The following ANO7 variants were observed in gnomAD, a reference collection of about 807,000 sequenced individuals.
ANO7 encodes anoctamin 7.
A neutral mutation model predicts 115.8 loss-of-function variants in ANO7; 114 were observed. The ratio of observed to expected loss-of-function variants is 0.98; its 90% CI spans 0.85 to 1.15. The LOEUF (loss-of-function observed/expected upper bound fraction) is 1.15, where lower values mean the gene tolerates loss of function less well. Among genes scored for constraint, ANO7 ranks in the 50% most tolerant of loss-of-function variants. The probability of loss-of-function intolerance (pLI) is 0.00; values close to 1 mark genes in which losing one functional copy is unlikely to be tolerated. For missense variants in ANO7, 1,302 were observed against 1,201.2 expected (o/e 1.08, Z -1.24); for synonymous variants, 550 against 498.2 (o/e 1.10, Z -1.38).
chr2:241,215,894 C>CA (rs2068817909), intron 18 of ANO7, among the ~76,000 whole-genome samples, 199 bp from the exon 19 acceptor site: 1 of 152,236 alleles, frequency 6.6e-6, no homozygotes, highest in Non-Finnish European at 1.5e-5. Flanking sequence ...CCAACAGACA[C>CA]AGACGCTTTC....
At chr2:241,236,784 GA>G in the ANO7 span, 1 of 1,612,746 alleles carries the variant, frequency 6.2e-7, no homozygotes, top group Non-Finnish European at 8.5e-7. Flanking sequence ...AGAGAAAGGG[GA>G]AAAGGGACAG....
At chr2:241,226,547 C>G (rs1318205369), downstream of ANO7, among the ~76,000 whole-genome samples, 1 of 151,982 alleles carries the variant, frequency 6.6e-6, no homozygotes, top group Non-Finnish European at 1.5e-5. Flanking sequence ...GCCTCAGCCT[C>G]CCGAGTAGCT....
At chr2:241,227,249 A>C (rs1268682538), downstream of ANO7, 1 of 152,470 alleles carries the variant, frequency 6.6e-6, no homozygotes, top group Non-Finnish European at 1.5e-5. Context: ...GAAAGAGAAC[A>C]CACAGGCGGC....
chr2:241,232,328 T>A, the ANO7 span, among the ~76,000 whole-genome samples: 1 of 150,600 alleles, frequency 6.6e-6, no homozygotes, highest in African/African-American at 2.4e-5. Context: ...CAGGCTGGAG[T>A]GCAATGGCAT....
the ANO7 span, chr2:241,233,941 C>A: frequency 1.2e-6 from 2 of 1,614,192 alleles, no homozygotes; most frequent in Non-Finnish European, 1.7e-6. The surrounding 1 kb of genome is among the most constrained non-coding windows in gnomAD (Gnocchi z 4.3). Context: ...TACAGTGACA[C>A]TCAGCTTAAA....
intron 3 of ANO7, among the ~76,000 whole-genome samples, chr2:241,192,385 C>T (rs543955423): frequency 6.6e-6 from 1 of 152,160 alleles, no homozygotes; most frequent in African/African-American, 2.4e-5. Flanking sequence ...TCTTTTCTCA[C>T]AGTCTTGGGG....
the ANO7 span, chr2:241,236,380 C>T: frequency 3.6e-6 from 2 of 557,124 alleles, no homozygotes; most frequent in Non-Finnish European, 6.4e-6. Flanking sequence ...GGATCCCATG[C>T]AGCTGTCCCA....
rs956356462 is a variant in ANO7, at chr2:241,225,536, C to A, written c.*1383C>A. ...CAAGACTCCGTCTCGGGAACACACACACACAAAAAGAATATGTGGTTTTAA... is the reference window on the plus strand; with the variant it reads ...CAAGACTCCGTCTCGGGAACACACAAACACAAAAAGAATATGTGGTTTTAA... On this transcript the variant is annotated 3_prime_UTR_variant, in exon 25 of 25. Transcript: ENST00000674324. Among the ~76,000 whole-genome samples, 2 of 152,066 alleles carry A rather than the reference C, an allele frequency of 1.3e-5. No homozygotes were observed. Among genetic ancestry groups the A allele is most frequent in the Admixed American group, 6.6e-5 (1 of 15,264 alleles).
chr2:241,210,296 T>G lies in ANO7; in HGVS notation c.1361T>G (p.Val454Gly), dbSNP rs1276895397. 1 of 1,613,640 alleles carries G rather than the reference T, an allele frequency of 6.2e-7. No homozygotes were observed. The highest frequency in any genetic ancestry group is 8.5e-7 in the Non-Finnish European group (1 of 1,179,932). The change falls in exon 14 of 25, where the codon GTG (valine) becomes GGG (glycine). Residue 454 changes from valine to glycine, a missense_variant and splice_region_variant. Val to Gly is a moderately radical substitution (Grantham distance 109). Transcript: ENST00000674324. ...TCACGGGCCTCCCTGCCCCCGCAGG[T>G]GGCCGTGGTGGTCATGTGCCTCGTG... Reference protein sequence around the residue: ...LAGSVVIVVMVAVVVMCLVSI... With the variant: ...LAGSVVIVVMGAVVVMCLVSI...
intron 19 of ANO7, among the ~76,000 whole-genome samples, chr2:241,216,467 C>T (rs187196421): frequency 1.3e-4 from 20 of 152,318 alleles, no homozygotes; most frequent in Non-Finnish European, 2.4e-4. Flanking sequence ...GGCACCGGCA[C>T]GGGGAGGAGG....
At chr2:241,236,495 G>A in the ANO7 span, 4 of 990,356 alleles carry the variant, frequency 4.0e-6, no homozygotes, top group Non-Finnish European at 6.3e-6. Flanking sequence ...GGAGCAAGAG[G>A]GCTACCTCCA....
chr2:241,236,990 G>T, the ANO7 span, among the ~76,000 whole-genome samples: 5 of 147,660 alleles, frequency 3.4e-5, no homozygotes, highest in Admixed American at 2.0e-4. Context: ...GGGGGGGGGG[G>T]GGGGCGGCAA....
downstream of ANO7, chr2:241,230,833 G>T: frequency 6.2e-7 from 1 of 1,614,198 alleles, no homozygotes; most frequent in Non-Finnish European, 8.5e-7. The surrounding 1 kb of genome is among the most constrained non-coding windows in gnomAD (Gnocchi z 5.0). Flanking sequence ...CGGTGGTCCA[G>T]CGGGACGTCC....
chr2:241,229,380 G>A (rs2069444613), downstream of ANO7: 2 of 490,542 alleles, frequency 4.1e-6, no homozygotes, highest in East Asian at 3.9e-5. Flanking sequence ...TCATGACCTT[G>A]GTTTAGTGTT....
At chr2:241,226,651 C>T (rs547154657), downstream of ANO7, among the ~76,000 whole-genome samples, 8 of 152,274 alleles carry the variant, frequency 5.3e-5, no homozygotes, top group East Asian at 3.9e-4. Flanking sequence ...GTCTTGATCT[C>T]CTGACCTCGT....
chr2:241,236,358 G>T, the ANO7 span: 1 of 523,972 alleles, frequency 1.9e-6, no homozygotes, highest in East Asian at 3.3e-5. Flanking sequence ...CCCACCGTGG[G>T]CCTGAGAGGC....
intron 1 of ANO7, among the ~76,000 whole-genome samples, chr2:241,189,428 C>T (rs531935638): frequency 3.3e-5 from 5 of 152,314 alleles, no homozygotes; most frequent in South Asian, 4.1e-4. Context: ...CCACAGATGT[C>T]GTGCTCCTGG....
Position 241,212,113 on chromosome 2 carries a change from C to G in ANO7, c.1581C>G (p.Thr527=), listed in dbSNP as rs144912220. 1.7e-5 allele frequency: 28 copies of G among 1,613,954 alleles called. No homozygotes were observed. In the Admixed American group the frequency reaches 4.7e-4, roughly 27 times the overall value. Residue 527 remains threonine, a synonymous_variant, in exon 16 of 25, where the codon ACC becomes ACG. Transcript: ENST00000674324. ...LTRWEMHRTQ[T]KFEDAFTLKV... ...CCACAGAAATGCACCGCACCCAGAC[C>G]AAGTTCGAGGACGCCTTCACCCTCA...
chr2:241,233,636 C>T, the ANO7 span, among the ~76,000 whole-genome samples: 1 of 152,114 alleles, frequency 6.6e-6, no homozygotes, highest in Non-Finnish European at 1.5e-5. This position sits in a 1 kb window ranked among gnomAD's most constrained non-coding sequence, Gnocchi z 4.3. Context: ...TGCCAGAGAC[C>T]TCACCCATCT....
Sources: gnomAD v4.1 joint callset for allele counts (sites outside exome capture counted in the v4.1 genomes callset) on GRCh38, gnomAD v4.1.1 for gene constraint, Gnocchi (gnomAD v3.1) non-coding constraint, MANE v1.5 for transcripts, NCBI Gene and HGNC (gene_info 2026-07-23, HGNC 2026-07-21) for gene names.